The following LATS2 variants were observed in gnomAD, a reference collection of about 807,000 sequenced individuals.
LATS2 encodes the protein large tumor suppressor kinase 2, also known as serine/threonine-protein kinase LATS2.
A neutral mutation model predicts 76.0 loss-of-function variants in LATS2; 24 were observed. The ratio of observed to expected loss-of-function variants is 0.32; its 90% CI spans 0.23 to 0.44. LATS2 has a LOEUF of 0.44. Ranked by LOEUF, LATS2 falls within the 20% of genes least tolerant of loss-of-function variation. The probability of loss-of-function intolerance (pLI) is 1.00; values close to 1 mark genes in which losing one functional copy is unlikely to be tolerated. For synonymous variants in LATS2, 692 were observed against 635.4 expected (o/e 1.09, Z -1.34); for missense variants, 1,286 against 1,481.2 (o/e 0.87, Z 2.16).
intron 2 of LATS2, among the ~76,000 whole-genome samples, chr13:21,019,667 TCAA>T (rs1338048686): frequency 1.3e-4 from 3 of 22,452 alleles, no homozygotes; most frequent in African/African-American, 2.9e-4. Context: ...TTTTAATCTC[TCAA>T]AAAAAAAAAA....
chr13:20,990,797 G>C (rs931363051), intron 3 of LATS2, among the ~76,000 whole-genome samples: 7 of 152,124 alleles, frequency 4.6e-5, no homozygotes, highest in African/African-American at 1.7e-4. Context: ...GGGATGCTGA[G>C]GGGGGCCCAG....
intron 2 of LATS2, among the ~76,000 whole-genome samples, chr13:21,018,809 C>G (rs1871914427): frequency 6.6e-6 from 1 of 152,134 alleles, no homozygotes; most frequent in South Asian, 2.1e-4. Flanking sequence ...CCATGCCCAG[C>G]TAATTTTTGT....
chr13:20,981,118 A>T (rs1869853756), intron 6 of LATS2, among the ~76,000 whole-genome samples: 1 of 152,146 alleles, frequency 6.6e-6, no homozygotes, highest in Non-Finnish European at 1.5e-5. Context: ...TAGAGCCCGG[A>T]AATGTGTGGT....
chr13:20,988,469 G>C lies in LATS2; in HGVS notation c.1311C>G (p.Ala437=). 1 of 1,537,652 alleles carries C rather than the reference G, an allele frequency of 6.5e-7. No individual in the cohort carries two copies. Among genetic ancestry groups the C allele is most frequent in the Non-Finnish European group, 8.7e-7 (1 of 1,148,866 alleles). ...PAPNTVTAVT[A]AHILHPVKSV... The stretch of plus-strand genomic sequence containing the variant: ...TCTTCACCGGGTGCAAGATGTGCGC[G>C]GCCGTGACAGCCGTCACGGTGTTGG... The change falls in exon 4 of 8, where the codon GCC becomes GCG. Residue 437 remains alanine (A), a synonymous_variant. Coordinates refer to ENST00000382592, the MANE Select transcript of LATS2 (RefSeq NM_014572.3).
intron 2 of LATS2, among the ~76,000 whole-genome samples, chr13:21,000,486 T>TA (rs1362232753): frequency 2.0e-5 from 3 of 151,992 alleles, no homozygotes; most frequent in Admixed American, 1.3e-4. Flanking sequence ...CAAAAGTTAT[T>TA]AAGTTTTTTT....
rs1872166256 is a variant in LATS2, at chr13:21,023,656, AAAAAAAAAAAAAAAAAAAAAAAAAAAAC to A, written c.342+22001_342+22028del. 1.6e-4 allele frequency among the ~76,000 whole-genome samples: 4 copies of A among 25,420 alleles called. No homozygotes were observed. In the South Asian group the frequency reaches 0.01, roughly 64 times the overall value. 16.7% of individuals were successfully genotyped at this position (25,420 alleles called of 152,430 possible). A position where few individuals can be genotyped will look rare whatever the true frequency, so the allele number is the denominator to read the frequency against. On this transcript the variant is annotated intron_variant, in intron 2 of 7. Coordinates refer to ENST00000382592, the MANE Select transcript of LATS2 (RefSeq NM_014572.3). Reference sequence around the variant, plus strand: ...TTCTATGACTGGCTTTAAAAAAAAAAAAAAAAAAAAAAAAAAAAAAAAAAAAACAAACCTCGGCCGGGCGCAGTGGCTG... The same window carrying A: ...TTCTATGACTGGCTTTAAAAAAAAAAAAACCTCGGCCGGGCGCAGTGGCTG...
intron 2 of LATS2, among the ~76,000 whole-genome samples, chr13:21,040,558 A>G (rs568435921): frequency 1.3e-5 from 2 of 152,318 alleles, no homozygotes; most frequent in African/African-American, 2.4e-5. Context: ...CAACGAAATC[A>G]TATGTCAGAG....
intron 4 of LATS2, 98 bp downstream of exon 4, chr13:20,987,783 G>A: frequency 7.3e-7 from 1 of 1,372,914 alleles, no homozygotes; most frequent in Middle Eastern, 2.1e-4. Flanking sequence ...TGATGATAAG[G>A]GGTATACAGT....
intron 1 of LATS2, among the ~76,000 whole-genome samples, chr13:21,047,866 G>GT (rs1873128260): frequency 6.6e-6 from 1 of 152,208 alleles, no homozygotes; most frequent in South Asian, 2.1e-4. Flanking sequence ...GAAGGGGATT[G>GT]TAAGCGTTTT....
intron 2 of LATS2, among the ~76,000 whole-genome samples, chr13:20,999,181 G>T (rs1373823893): frequency 6.6e-6 from 1 of 152,236 alleles, no homozygotes; most frequent in African/African-American, 2.4e-5. Context: ...AAATGTCTGT[G>T]TGCTTGAAGA....
intron 2 of LATS2, among the ~76,000 whole-genome samples, chr13:21,004,803 A>T (rs574169881): frequency 3.3e-5 from 5 of 152,282 alleles, no homozygotes; most frequent in African/African-American, 1.2e-4. Context: ...TCTAAAACCT[A>T]CACCAACCAA....
Position 20,989,086 on chromosome 13 carries a change from G to T in LATS2, c.694C>A (p.Pro232Thr), listed in dbSNP as rs1342450407. 2.5e-6 allele frequency: 4 copies of T among 1,597,478 alleles called. No homozygotes were observed. Among genetic ancestry groups the T allele is most frequent in the Non-Finnish European group, 3.4e-6 (4 of 1,174,242 alleles). Reference protein sequence around the residue: ...HGPGHQHQHPPKGYGASVEAA... With the variant: ...HGPGHQHQHPTKGYGASVEAA... ...TCTACGCTGGCACCGTAGCCCTTGG[G>T]TGGGTGCTGGTGCTGGTGGCCGGGC... Residue 232 changes from proline (P) to threonine (T), a missense_variant, in exon 4 of 8, where the codon CCC becomes ACC. Around this residue, in one of 5 missense-constraint regions of LATS2, gnomAD observed 710 missense variants for 660.9 expected, o/e 1.07. Transcript: ENST00000382592.
chr13:21,006,837 G>T (rs972666658), intron 2 of LATS2, among the ~76,000 whole-genome samples: 1 of 152,280 alleles, frequency 6.6e-6, no homozygotes, highest in East Asian at 1.9e-4. Context: ...GGGGCTCTCC[G>T]TGCCTCCCAC....
At chr13:20,986,204 A>T (rs1304825980) in intron 4 of LATS2, among the ~76,000 whole-genome samples, 1 of 152,214 alleles carries the variant, frequency 6.6e-6, no homozygotes, top group African/African-American at 2.4e-5. Flanking sequence ...AACGACTATT[A>T]TCAAAAAGGA....
chr13:21,041,406 T>C (rs989737604), intron 2 of LATS2, among the ~76,000 whole-genome samples: 1 of 152,258 alleles, frequency 6.6e-6, no homozygotes, highest in East Asian at 1.9e-4. Flanking sequence ...TTATTTGATC[T>C]AATATAATCA....
chr13:21,020,549 T>C (rs117892494), intron 2 of LATS2, among the ~76,000 whole-genome samples: 1 of 152,294 alleles, frequency 6.6e-6, no homozygotes, highest in East Asian at 1.9e-4. Flanking sequence ...AAAAATCACA[T>C]TAATTCCTCT....
At chr13:21,053,342 T>C (rs755383286) in intron 1 of LATS2, among the ~76,000 whole-genome samples, 1 of 144,616 alleles carries the variant, frequency 6.9e-6, no homozygotes, top group Non-Finnish European at 1.5e-5. Flanking sequence ...CTTCCTGACC[T>C]CCCCAATCTA....
At chr13:21,011,639 C>T (rs1247428683) in intron 2 of LATS2, among the ~76,000 whole-genome samples, 2 of 151,938 alleles carry the variant, frequency 1.3e-5, no homozygotes, top group Admixed American at 6.6e-5. Context: ...ATCTATTCTG[C>T]TTCTTTCCTG....
chr13:21,020,294 C>G (rs1872004321), intron 2 of LATS2, among the ~76,000 whole-genome samples: 1 of 152,192 alleles, frequency 6.6e-6, no homozygotes, highest in African/African-American at 2.4e-5. Context: ...CGCCCCCTTT[C>G]AGAGCTTGCA....
Sources: gnomAD v4.1 joint callset for allele counts (sites outside exome capture counted in the v4.1 genomes callset) on GRCh38, gnomAD v4.1.1 for gene constraint, gnomAD v4.1.1 regional missense constraint, MANE v1.5 for transcripts, NCBI Gene and HGNC (gene_info 2026-07-23, HGNC 2026-07-21) for gene names.